DNAH11: variants seen among roughly 807,000 people sequenced by gnomAD.
DNAH11 encodes axonemal beta dynein heavy chain 11.
DNAH11 carries 442 observed loss-of-function variants against 526.0 expected under a neutral mutation model. The observed-to-expected ratio is 0.84, with a 90% CI of 0.78 to 0.91. DNAH11 has a LOEUF of 0.91. DNAH11 is among the 40% of genes least tolerant of loss of function. DNAH11 has a pLI of 0.00. For synonymous variants in DNAH11, 2,461 were observed against 1,935.9 expected (o/e 1.27, Z -7.12); for missense variants, 6,989 against 5,448.7 (o/e 1.28, Z -8.90).
In DNAH11 at chr7:21,735,788, A is replaced by G. The variant is rs778427764; in HGVS notation, c.7589A>G (p.Asp2530Gly). 55 of 1,613,854 alleles carry G rather than the reference A, an allele frequency of 3.4e-5. No homozygotes were observed. The East Asian group carries it at 1.2e-3, about 35-fold the overall frequency. Residue 2530 changes from aspartate to glycine, a missense_variant, in exon 46 of 82, where the codon GAT becomes GGT. By Grantham distance (94) the Asp-to-Gly change is moderately conservative (BLOSUM62 -1). Coordinates refer to ENST00000409508, the MANE Select transcript of DNAH11 (RefSeq NM_001277115.2). ...GACACATTGGCAAGTCTCTCTGAGG[A>G]TTACATAGTATCCCGTGTGCCTTTC... ...VGDTLASLSE[D>G]YIVSRVPFNY...
intron 55 of DNAH11, among the ~76,000 whole-genome samples, chr7:21,770,608 G>A (rs1787396662): frequency 6.6e-6 from 1 of 152,190 alleles, no homozygotes; most frequent in South Asian, 2.1e-4. Context: ...AATGCCGCTG[G>A]TAAGGGGTAC....
At chr7:21,868,133 A>C (rs1349986673) in intron 72 of DNAH11, 126 bp downstream of exon 72, 7 of 870,650 alleles carry the variant, frequency 8.0e-6, no homozygotes, top group Non-Finnish European at 1.1e-5. Context: ...TTTGTTGAAG[A>C]TTGGGTGTAT....
chr7:21,629,896 G>A (rs1356592918), intron 25 of DNAH11, among the ~76,000 whole-genome samples: 1 of 151,980 alleles, frequency 6.6e-6, no homozygotes, highest in Non-Finnish European at 1.5e-5. Flanking sequence ...CATTTAATTG[G>A]ATAATTGAGT....
intron 44 of DNAH11, among the ~76,000 whole-genome samples, chr7:21,725,372 T>C (rs781025696): frequency 5.9e-5 from 9 of 152,192 alleles, no homozygotes; most frequent in Non-Finnish European, 1.3e-4. Flanking sequence ...TTTATGAAAA[T>C]AACTATCACC....
chr7:21,744,402 T>C, intron 49 of DNAH11, 36 bp from the exon 50 acceptor site: 1 of 1,601,946 alleles, frequency 6.2e-7, no homozygotes, highest in Non-Finnish European at 8.5e-7. Flanking sequence ...CATCAGCCTC[T>C]GAATTAAAGG....
At chr7:21,835,330 A>G (rs1447898070) in intron 65 of DNAH11, among the ~76,000 whole-genome samples, 1 of 152,192 alleles carries the variant, frequency 6.6e-6, no homozygotes, top group African/African-American at 2.4e-5. Context: ...TTATGGGCCA[A>G]TATGCCTGAT....
At chr7:21,611,405 A>G (rs533515516) in intron 20 of DNAH11, among the ~76,000 whole-genome samples, 6 of 152,234 alleles carry the variant, frequency 3.9e-5, no homozygotes, top group African/African-American at 1.4e-4. Flanking sequence ...CCAGCTTGCA[A>G]ATAGCTTATT....
intron 65 of DNAH11, among the ~76,000 whole-genome samples, chr7:21,821,586 A>G (rs971367366): frequency 3.3e-5 from 5 of 152,138 alleles, no homozygotes; most frequent in Admixed American, 6.5e-5. Flanking sequence ...TTTAATTGCT[A>G]CGTCATAGTT....
intron 70 of DNAH11, among the ~76,000 whole-genome samples, chr7:21,865,251 T>C (rs906253057): frequency 6.6e-6 from 1 of 152,228 alleles, no homozygotes; most frequent in Non-Finnish European, 1.5e-5. Flanking sequence ...TTTGCCCTAC[T>C]CTTTTTTCTA....
At chr7:21,816,787 C>A in intron 64 of DNAH11, 85 bp downstream of exon 64, 2 of 1,042,896 alleles carry the variant, frequency 1.9e-6, no homozygotes, top group Non-Finnish European at 2.9e-6. Context: ...GTTTCTTAGA[C>A]CTCTCCACCA....
chr7:21,804,624 C>T (rs2127994973), intron 62 of DNAH11, among the ~76,000 whole-genome samples: 1 of 152,270 alleles, frequency 6.6e-6, no homozygotes, highest in South Asian at 2.1e-4. Flanking sequence ...CTCTGTGTGA[C>T]ATCAAATCCA....
chr7:21,649,386 A>G (rs771258717), intron 28 of DNAH11, among the ~76,000 whole-genome samples: 2 of 152,232 alleles, frequency 1.3e-5, no homozygotes, highest in Non-Finnish European at 2.9e-5. Flanking sequence ...GAAACAATTT[A>G]AATGTCCCTT....
intron 29 of DNAH11, 67 bp downstream of exon 29, chr7:21,656,048 T>C (rs1279786486): frequency 1.4e-6 from 2 of 1,461,076 alleles, no homozygotes; most frequent in Non-Finnish European, 1.8e-6. Context: ...GAAGGTTGAG[T>C]TCAACAAGCA....
At chr7:21,564,827 T>A (rs957541739) in intron 6 of DNAH11, among the ~76,000 whole-genome samples, 4 of 152,208 alleles carry the variant, frequency 2.6e-5, no homozygotes, top group African/African-American at 9.6e-5. Context: ...GAAAAAATTC[T>A]GATTCATTGC....
chr7:21,808,792 C>T (rs1199187364), intron 63 of DNAH11, among the ~76,000 whole-genome samples: 2 of 152,164 alleles, frequency 1.3e-5, no homozygotes, highest in Non-Finnish European at 2.9e-5. Flanking sequence ...TGTTGTTGGA[C>T]ACTTAGGTTG....
intron 61 of DNAH11, among the ~76,000 whole-genome samples, chr7:21,793,455 A>C (rs1258207128): frequency 3.9e-5 from 6 of 152,144 alleles, no homozygotes; most frequent in Non-Finnish European, 8.8e-5. Context: ...GTCTGTACTA[A>C]AAATACAAAA....
chr7:21,683,692 T>C (rs534385733), intron 31 of DNAH11, 92 bp from the exon 32 acceptor site: 59 of 1,345,466 alleles, frequency 4.4e-5, no homozygotes, highest in Non-Finnish European at 5.4e-5. Flanking sequence ...ATGAGAATTT[T>C]AGAAATGTGA....
chr7:21,548,619 A>T, intron 2 of DNAH11, among the ~76,000 whole-genome samples: 1 of 152,298 alleles, frequency 6.6e-6, no homozygotes, highest in African/African-American at 2.4e-5. Flanking sequence ...TCCTGATCCA[A>T]CTGGAAGGTA....
chr7:21,745,083 T>G lies in DNAH11; in HGVS notation c.8510+20T>G. ...ACATGTGTGAGTTAACTAGTCACGA[T>G]GCTTTTCCACAAAAGGAAGAATGGC... On this transcript the variant is annotated intron_variant, in intron 51 of 81. Coordinates refer to ENST00000409508, the MANE Select transcript of DNAH11 (RefSeq NM_001277115.2). 1 of 1,588,908 alleles carries G rather than the reference T, an allele frequency of 6.3e-7. No homozygotes were observed. The highest frequency in any genetic ancestry group is 8.6e-7 in the Non-Finnish European group (1 of 1,166,652).
Sources: allele counts gnomAD v4.1 joint callset (sites outside exome capture counted in the v4.1 genomes callset), GRCh38; gene constraint gnomAD v4.1.1; transcripts MANE v1.5; gene names NCBI Gene and HGNC (gene_info 2026-07-23, HGNC 2026-07-21).